ASIC2: variants seen among roughly 807,000 people sequenced by gnomAD.
The protein encoded by ASIC2 is acid sensing ion channel subunit 2, also known as acid-sensing ion channel 2.
Under a neutral mutation model 57.3 loss-of-function variants are expected in ASIC2, and 25 were observed. The observed-to-expected ratio is 0.44, with a 90% CI of 0.32 to 0.61. The LOEUF (loss-of-function observed/expected upper bound fraction) is 0.61, where lower values mean the gene tolerates loss of function less well. Among genes scored for constraint, ASIC2 ranks in the 20% least tolerant of loss-of-function variants. ASIC2 has a pLI of 0.06. For synonymous variants in ASIC2, 319 were observed against 307.5 expected (o/e 1.04, Z -0.39); for missense variants, 641 against 738.1 (o/e 0.87, Z 1.52).
intron 1 of ASIC2, among the ~76,000 whole-genome samples, chr17:33,941,129 AGT>A (rs1370367500): frequency 6.6e-6 from 1 of 152,228 alleles, no homozygotes; most frequent in Non-Finnish European, 1.5e-5. Context: ...TAGGAGTCTA[AGT>A]GCAGGAGCCT....
At chr17:33,932,741 A>AAAAATATAT (rs1555572867) in intron 1 of ASIC2, 4 of 58,714 alleles carry the variant, frequency 6.8e-5, no homozygotes, top group African/African-American at 2.7e-4. Flanking sequence ...AAAAAAAAAA[A>AAAAATATAT]ATATATATAT....
chr17:33,672,220 A>G (rs1907660018), intron 1 of ASIC2, among the ~76,000 whole-genome samples: 1 of 152,164 alleles, frequency 6.6e-6, no homozygotes, highest in Admixed American at 6.5e-5. Flanking sequence ...AGCTTTTCCC[A>G]TTTGAGCAAC....
At chr17:34,019,198 C>T (rs546333496) in intron 1 of ASIC2, among the ~76,000 whole-genome samples, 16 of 152,216 alleles carry the variant, frequency 1.1e-4, no homozygotes, top group East Asian at 5.8e-4. Context: ...TGAGCCACCA[C>T]GCCTGGCCAA....
intron 1 of ASIC2, among the ~76,000 whole-genome samples, chr17:33,830,620 A>G (rs188665077): frequency 1.2e-4 from 19 of 152,216 alleles, no homozygotes; most frequent in Admixed American, 2.6e-4. Flanking sequence ...ATAGGTATAC[A>G]TGGGCCACGG....
chr17:33,523,796 T>C (rs1160497640), intron 1 of ASIC2, among the ~76,000 whole-genome samples: 1 of 152,182 alleles, frequency 6.6e-6, no homozygotes, highest in African/African-American at 2.4e-5. Context: ...TACTCACGGC[T>C]GATGTAGCTC....
At chr17:33,984,010 G>A (rs1158370386) in intron 1 of ASIC2, among the ~76,000 whole-genome samples, 5 of 152,146 alleles carry the variant, frequency 3.3e-5, no homozygotes, top group African/African-American at 4.8e-5. Flanking sequence ...GTTGTCACTA[G>A]TTCTGGTTTT....
intron 1 of ASIC2, among the ~76,000 whole-genome samples, chr17:33,518,066 T>C (rs2141953338): frequency 6.6e-6 from 1 of 152,256 alleles, no homozygotes; most frequent in Middle Eastern, 3.4e-3. Context: ...CAAATATCTA[T>C]TTGCCCCTCT....
chr17:33,842,540 G>A (rs1567731686), intron 1 of ASIC2, among the ~76,000 whole-genome samples: 1 of 152,210 alleles, frequency 6.6e-6, no homozygotes, highest in African/African-American at 2.4e-5. Context: ...GGGCTGGGAC[G>A]ATTCAGTGGA....
chr17:33,988,861 C>A (rs916009926), intron 1 of ASIC2, among the ~76,000 whole-genome samples: 2 of 152,022 alleles, frequency 1.3e-5, no homozygotes, highest in African/African-American at 4.8e-5. Context: ...AGCCCAGCAA[C>A]CTTGCCCAGA....
intron 1 of ASIC2, among the ~76,000 whole-genome samples, chr17:33,996,907 T>A (rs1906178448): frequency 6.6e-6 from 1 of 152,178 alleles, no homozygotes; most frequent in African/African-American, 2.4e-5. Context: ...CCATTGGAAT[T>A]TGGATAGGGA....
At chr17:33,464,145 C>G (rs1912733150) in intron 1 of ASIC2, among the ~76,000 whole-genome samples, 1 of 152,196 alleles carries the variant, frequency 6.6e-6, no homozygotes, top group Admixed American at 6.5e-5. Context: ...GAGTCTGAGA[C>G]CTGCCTTTCC....
At chr17:33,183,911 G>A (rs770602749) in intron 1 of ASIC2, among the ~76,000 whole-genome samples, 1 of 152,182 alleles carries the variant, frequency 6.6e-6, no homozygotes, top group Non-Finnish European at 1.5e-5. Flanking sequence ...CCTCCTAGCT[G>A]TGCAAATCTG....
intron 1 of ASIC2, among the ~76,000 whole-genome samples, chr17:33,890,433 T>C (rs1914934548): frequency 6.6e-6 from 1 of 152,230 alleles, no homozygotes; most frequent in East Asian, 1.9e-4. Context: ...GAAACCAACA[T>C]TCATCACGTG....
At chr17:33,167,634 G>GT (rs1171956953) in intron 1 of ASIC2, among the ~76,000 whole-genome samples, 11 of 152,150 alleles carry the variant, frequency 7.2e-5, no homozygotes, top group Non-Finnish European at 1.3e-4. Flanking sequence ...ACTGCCTACT[G>GT]TATTAAGCAC....
intron 1 of ASIC2, among the ~76,000 whole-genome samples, chr17:33,139,892 T>A (rs1015690153): frequency 5.9e-5 from 9 of 152,368 alleles, no homozygotes; most frequent in East Asian, 3.9e-4. Context: ...GCTAGTCCCT[T>A]CACGGTACAG....
At chr17:33,385,859 G>A (rs1909656481) in intron 1 of ASIC2, among the ~76,000 whole-genome samples, 1 of 152,216 alleles carries the variant, frequency 6.6e-6, no homozygotes, top group Non-Finnish European at 1.5e-5. Flanking sequence ...TGATAACTGT[G>A]AGGAGGAATG....
chr17:33,534,681 T>C (rs1470660337), intron 1 of ASIC2: 1 of 152,210 alleles, frequency 6.6e-6, no homozygotes, highest in Non-Finnish European at 1.5e-5. Context: ...TCCTAGAACA[T>C]TGCCAAATGA....
intron 1 of ASIC2, among the ~76,000 whole-genome samples, chr17:33,568,651 C>G (rs1916328689): frequency 6.6e-6 from 1 of 152,150 alleles, no homozygotes; most frequent in Non-Finnish European, 1.5e-5. Flanking sequence ...ATATATCTGC[C>G]TTTTTATTAC....
At chr17:33,248,269 C>T (rs1022297301) in intron 1 of ASIC2, among the ~76,000 whole-genome samples, 3 of 152,176 alleles carry the variant, frequency 2.0e-5, no homozygotes, top group African/African-American at 4.8e-5. Flanking sequence ...GTTCAAGGAA[C>T]AGTGAGAAGG....
Sources: gnomAD v4.1 joint callset for allele counts (sites outside exome capture counted in the v4.1 genomes callset) on GRCh38, gnomAD v4.1.1 for gene constraint, MANE v1.5 for transcripts, NCBI Gene and HGNC (gene_info 2026-07-23, HGNC 2026-07-21) for gene names.